Variants in CEP192 observed in about 807,000 individuals in gnomAD.
The protein encoded by CEP192 is centrosomal protein of 192 kDa.
In CEP192, 151 loss-of-function variants were observed where a neutral mutation model predicts 271.8. The observed-to-expected ratio is 0.56, with a 90% CI of 0.49 to 0.64. CEP192 has a LOEUF of 0.64. Ranked by LOEUF, CEP192 falls within the 30% of genes least tolerant of loss-of-function variation. The probability of loss-of-function intolerance (pLI) is 0.00; values close to 1 mark genes in which losing one functional copy is unlikely to be tolerated. For synonymous variants in CEP192, 995 were observed against 1,076.5 expected (o/e 0.92, Z 1.48); for missense variants, 2,910 against 3,020.5 (o/e 0.96, Z 0.86).
chr18:13,056,222 T>A lies in CEP192; in HGVS notation c.3632T>A (p.Phe1211Tyr). The A allele has an allele frequency of 6.2e-7, 1 of 1,614,078 alleles. No homozygotes were observed. The highest frequency in any genetic ancestry group is 2.2e-5 in the East Asian group (1 of 44,878). Residue 1211 changes from phenylalanine (F) to tyrosine (Y), a missense_variant, in exon 19 of 45, where the codon TTC (phenylalanine) becomes TAC (tyrosine). Physicochemically the swap from Phe to Tyr is conservative, Grantham distance 22. Coordinates refer to ENST00000506447, the MANE Select transcript of CEP192 (RefSeq NM_032142.4). ...PKDKSTAGREFSGQVSHQTTS... is the reference protein window; with the variant it reads ...PKDKSTAGREYSGQVSHQTTS... ...GATAAGTCAACTGCTGGCCGTGAGT[T>A]CAGTGGCCAGGTTTCTCATCAGACC...
chr18:13,007,347 C>A (rs9957933), intron 3 of CEP192, among the ~76,000 whole-genome samples: 37,516 of 151,966 alleles, frequency 0.25, 5,484 homozygotes, highest in East Asian at 0.44. Flanking sequence ...GGATAGCTGT[C>A]GTTTTGAGGA....
Position 13,069,091 on chromosome 18 carries a change from G to A in CEP192, c.4965G>A (p.Thr1655=), listed in dbSNP as rs150683960. The part of the protein sequence containing the change: ...ARIHAPRDLQ[T]MHFLAKVASS... The stretch of plus-strand genomic sequence containing the variant: ...GTCTGTCTTGCCCCATCCTCCAGAC[G>A]ATGCATTTCTTGGCCAAAGTGGCTT... Residue 1655 remains threonine (T), a splice_region_variant and synonymous_variant, in exon 26 of 45, where the codon ACG becomes ACA. Transcript: ENST00000506447. The A allele has an allele frequency of 6.9e-5, 111 of 1,614,128 alleles. No individual in the cohort carries two copies. The African/African-American group carries it at 1.2e-3, about 18-fold the overall frequency.
At chr18:12,995,529 A>G (rs2033172700) in intron 1 of CEP192, among the ~76,000 whole-genome samples, 1 of 152,178 alleles carries the variant, frequency 6.6e-6, no homozygotes. Flanking sequence ...TCATTCATTC[A>G]CTCAAGTTTA....
chr18:13,078,038 T>C (rs771852376), intron 30 of CEP192, among the ~76,000 whole-genome samples: 14 of 152,172 alleles, frequency 9.2e-5, no homozygotes, highest in Non-Finnish European at 1.9e-4. Context: ...TGCACACATC[T>C]ACCCGTCATC....
At chr18:13,011,111 C>T (rs1280294328) in intron 4 of CEP192, among the ~76,000 whole-genome samples, 9 of 151,480 alleles carry the variant, frequency 5.9e-5, no homozygotes, top group Non-Finnish European at 1.2e-4. Context: ...CCTGTAGTCC[C>T]AGCTACTTGG....
At position 13,049,806 on chromosome 18, in the gene CEP192, G is replaced by C. The variant is rs1374267041; in HGVS notation, c.2932G>C (p.Glu978Gln). 6.2e-7 allele frequency: 1 copy of C among 1,613,732 alleles called. No homozygotes were observed. The highest frequency in any genetic ancestry group is 2.2e-5 in the East Asian group (1 of 44,872). The change falls in exon 17 of 45, where the codon GAG becomes CAG. Residue 978 changes from glutamate (E) to glutamine (Q), a missense_variant. Glu to Gln is a conservative substitution (Grantham distance 29, BLOSUM62 2). Coordinates refer to ENST00000506447, the MANE Select transcript of CEP192 (RefSeq NM_032142.4). ...TSPEHGGRGS[E>Q]DEQESFRPST... ...TCCTGAGCATGGTGGACGTGGCTCA[G>C]AGGATGAGCAGGAGAGCTTCAGACC... is the stretch of plus-strand genomic sequence containing the variant.
chr18:13,058,093 A>AT (rs2037211349), intron 20 of CEP192: 1 of 154,550 alleles, frequency 6.5e-6, no homozygotes. Context: ...AAAAAAAAAA[A>AT]GAAAGCAGTT....
intron 4 of CEP192, among the ~76,000 whole-genome samples, chr18:13,011,295 C>A (rs925939359): frequency 6.0e-5 from 9 of 150,258 alleles, no homozygotes; most frequent in Non-Finnish European, 1.0e-4. Flanking sequence ...ACTAGGATAA[C>A]TATAATAATA....
intron 17 of CEP192, among the ~76,000 whole-genome samples, chr18:13,052,241 A>G (rs2036836469): frequency 6.6e-6 from 1 of 152,194 alleles, no homozygotes; most frequent in South Asian, 2.1e-4. Context: ...GTTGTGTAGC[A>G]GGGACATCTT....
At position 13,059,272 on chromosome 18, in the gene CEP192, C is replaced by T; in HGVS notation, c.4448C>T (p.Thr1483Ile). 1 of 1,614,192 alleles carries T rather than the reference C, an allele frequency of 6.2e-7. No homozygotes were observed. Among genetic ancestry groups the T allele is most frequent in the South Asian group, 1.1e-5 (1 of 91,084 alleles). The part of the protein sequence containing the change: ...TIVQAEALAS[T>I]VTLTAIAESP... ...GTACAGGCAGAAGCTTTGGCCAGCA[C>T]CGTCACTCTCACTGCCATTGCCGAG... The change falls in exon 21 of 45, where the codon ACC becomes ATC. Residue 1483 changes from threonine to isoleucine, a missense_variant. Coordinates refer to ENST00000506447, the MANE Select transcript of CEP192 (RefSeq NM_032142.4).
At chr18:13,039,832 A>G (rs1378261898) in intron 13 of CEP192, among the ~76,000 whole-genome samples, 2 of 152,044 alleles carry the variant, frequency 1.3e-5, no homozygotes, top group African/African-American at 4.8e-5. Context: ...AGAAGAGGGA[A>G]AGAAGCAGGC....
intron 17 of CEP192, 87 bp downstream of exon 17, chr18:13,049,978 C>A: frequency 9.0e-7 from 1 of 1,112,884 alleles, no homozygotes; most frequent in Non-Finnish European, 1.3e-6. Flanking sequence ...GAAAAATTAT[C>A]TGTGCATTCG....
At chr18:13,048,663 A>G (rs994358737) in intron 15 of CEP192, among the ~76,000 whole-genome samples, 196 bp from the exon 16 acceptor site, 2 of 152,172 alleles carry the variant, frequency 1.3e-5, no homozygotes, top group Admixed American at 6.5e-5. Flanking sequence ...TAAGATGGAA[A>G]AGGCACTACA....
In CEP192 at chr18:13,099,303, C is replaced by T. The variant is rs893047134; in HGVS notation, c.6558-173C>T. Reference sequence around the variant, plus strand: ...TGTAACCCGTTGAGTCGGGTGGAGGCGGGATGAACTTGTGGGAGCCATGTG... The same window carrying T: ...TGTAACCCGTTGAGTCGGGTGGAGGTGGGATGAACTTGTGGGAGCCATGTG... On this transcript the variant is annotated intron_variant, in intron 36 of 44. Coordinates refer to ENST00000506447, the MANE Select transcript of CEP192 (RefSeq NM_032142.4). Among the ~76,000 whole-genome samples, 12 of 152,016 alleles carry T rather than the reference C, an allele frequency of 7.9e-5. No homozygotes were observed. In the South Asian group the frequency reaches 8.3e-4, roughly 10 times the overall value.
At chr18:13,014,982 A>G (rs945304575) in intron 5 of CEP192, among the ~76,000 whole-genome samples, 6 of 152,118 alleles carry the variant, frequency 3.9e-5, no homozygotes, top group African/African-American at 1.4e-4. Flanking sequence ...TGCCTGGTCT[A>G]GCTTTGCTGT....
At chr18:13,003,549 G>A (rs1055564147) in intron 3 of CEP192, among the ~76,000 whole-genome samples, 1 of 152,048 alleles carries the variant, frequency 6.6e-6, no homozygotes, top group African/African-American at 2.4e-5. Context: ...GGCCAAAGGT[G>A]CGGCCAGCCT....
intron 30 of CEP192, among the ~76,000 whole-genome samples, chr18:13,080,596 G>T (rs1237772954): frequency 6.6e-6 from 1 of 152,172 alleles, no homozygotes; most frequent in African/African-American, 2.4e-5. Flanking sequence ...GGGACAATTT[G>T]ACTTCCTCTT....
At chr18:13,016,551 C>T (rs1423959829) in intron 6 of CEP192, among the ~76,000 whole-genome samples, 1 of 152,142 alleles carries the variant, frequency 6.6e-6, no homozygotes, top group Non-Finnish European at 1.5e-5. Flanking sequence ...AATCATTGAC[C>T]TGAATGTATC....
intron 3 of CEP192, among the ~76,000 whole-genome samples, chr18:13,003,934 G>T (rs1324605656): frequency 6.6e-6 from 1 of 152,210 alleles, no homozygotes; most frequent in Non-Finnish European, 1.5e-5. Context: ...ATGCTTCACA[G>T]TGAGAAGCTG....
Sources: allele counts gnomAD v4.1 joint callset (sites outside exome capture counted in the v4.1 genomes callset), GRCh38; gene constraint gnomAD v4.1.1; transcripts MANE v1.5; gene names NCBI Gene and HGNC (gene_info 2026-07-23, HGNC 2026-07-21).